PLXNC1: variants seen among roughly 807,000 people sequenced by gnomAD.
PLXNC1 encodes plexin C1.
A neutral mutation model predicts 178.2 loss-of-function variants in PLXNC1; 75 were observed. The observed-to-expected ratio is 0.42, with a 90% CI of 0.35 to 0.51. The LOEUF (loss-of-function observed/expected upper bound fraction) is 0.51, where lower values mean the gene tolerates loss of function less well. PLXNC1 is among the 20% of genes least tolerant of loss of function. The probability of loss-of-function intolerance (pLI) is 0.02; values close to 1 mark genes in which losing one functional copy is unlikely to be tolerated. For synonymous variants in PLXNC1, 790 were observed against 779.9 expected (o/e 1.01, Z -0.22); for missense variants, 1,503 against 1,984.4 (o/e 0.76, Z 4.61).
intron 5 of PLXNC1, among the ~76,000 whole-genome samples, chr12:94,215,328 A>G (rs1171793079): frequency 1.3e-5 from 2 of 152,222 alleles, no homozygotes; most frequent in East Asian, 3.8e-4. Flanking sequence ...ATATTCAGGC[A>G]TGTTCTACAT....
chr12:94,224,869 G>A (rs908950129), intron 7 of PLXNC1, among the ~76,000 whole-genome samples: 3 of 152,148 alleles, frequency 2.0e-5, no homozygotes, highest in Non-Finnish European at 1.5e-5. Context: ...ATGGCGCCCC[G>A]CATTCCAGTC....
At chr12:94,212,650 T>C (rs55917561) in intron 5 of PLXNC1, among the ~76,000 whole-genome samples, 30,034 of 151,912 alleles carry the variant, frequency 0.2, 3,119 homozygotes, top group Middle Eastern at 0.26. Flanking sequence ...GCAAAGGACA[T>C]GAACTCATCT....
At chr12:94,153,178 T>A (rs1382304463) in intron 1 of PLXNC1, among the ~76,000 whole-genome samples, 1 of 152,232 alleles carries the variant, frequency 6.6e-6, no homozygotes, top group Non-Finnish European at 1.5e-5. Context: ...TTGCTCAAGA[T>A]AGTTAAGTGC....
chr12:94,224,055 C>T (rs754218711), intron 6 of PLXNC1, among the ~76,000 whole-genome samples, 173 bp from the exon 7 acceptor site: 10 of 152,160 alleles, frequency 6.6e-5, no homozygotes, highest in Middle Eastern at 3.2e-3. Flanking sequence ...CTGCCTGATG[C>T]GAATGGCCTA....
chr12:94,169,156 G>C lies in PLXNC1; in HGVS notation c.1066G>C (p.Glu356Gln). The C allele has an allele frequency of 6.2e-7, 1 of 1,613,194 alleles. No homozygotes were observed. Among genetic ancestry groups the C allele is most frequent in the East Asian group, 2.2e-5 (1 of 44,872 alleles). ...GTGCGTTTGTGTGCATGTTCAGAAA[G>C]AAGGGGATCAACCTGAAAGAGTCCA... ...DFKTAESHCK[E>Q]GDQPERVQPI... is the part of the protein sequence containing the mutation. Residue 356 changes from glutamate to glutamine, a missense_variant, in exon 2 of 31, where the codon GAA becomes CAA. Physicochemically the swap from Glu to Gln is conservative, Grantham distance 29 (BLOSUM62 2). Transcript: ENST00000258526.
At chr12:94,231,754 CGTCT>C (rs1235881121) in intron 9 of PLXNC1, among the ~76,000 whole-genome samples, 3 of 152,202 alleles carry the variant, frequency 2.0e-5, no homozygotes, top group Non-Finnish European at 4.4e-5. Flanking sequence ...AGTGTCTGAC[CGTCT>C]GTCTGTTTCT....
chr12:94,193,803 C>T (rs1432636442), intron 4 of PLXNC1, among the ~76,000 whole-genome samples: 3 of 152,026 alleles, frequency 2.0e-5, no homozygotes, highest in Admixed American at 1.3e-4. Context: ...ACAGAGGTGT[C>T]GGTTACTGAG....
intron 9 of PLXNC1, among the ~76,000 whole-genome samples, chr12:94,237,360 C>A (rs1964270135): frequency 6.6e-6 from 1 of 152,208 alleles, no homozygotes; most frequent in South Asian, 2.1e-4. Context: ...AGGCAGTAAA[C>A]ATTTTCAAAA....
At chr12:94,263,604 G>A (rs1965064229) in intron 20 of PLXNC1, among the ~76,000 whole-genome samples, 1 of 152,184 alleles carries the variant, frequency 6.6e-6, no homozygotes, top group African/African-American at 2.4e-5. Context: ...TTTGTGGTCA[G>A]GGCATTACTT....
chr12:94,155,330 T>G (rs1466655134), intron 1 of PLXNC1, among the ~76,000 whole-genome samples: 1 of 152,204 alleles, frequency 6.6e-6, no homozygotes, highest in East Asian at 1.9e-4. Flanking sequence ...TGCACATTCT[T>G]GGACCCTACA....
At chr12:94,192,784 T>A (rs76862288) in intron 4 of PLXNC1, among the ~76,000 whole-genome samples, 1 of 152,116 alleles carries the variant, frequency 6.6e-6, no homozygotes, top group Non-Finnish European at 1.5e-5. Context: ...TAGGGAAATA[T>A]ATTCCACCTA....
intron 1 of PLXNC1, among the ~76,000 whole-genome samples, chr12:94,165,951 C>G (rs912012809): frequency 6.6e-6 from 1 of 151,960 alleles, no homozygotes; most frequent in South Asian, 2.1e-4. Context: ...GAAACTTATT[C>G]CCAGAAATCC....
intron 21 of PLXNC1, among the ~76,000 whole-genome samples, chr12:94,272,796 G>A (rs1592857954): frequency 2.0e-5 from 3 of 152,344 alleles, no homozygotes; most frequent in East Asian, 3.9e-4. Context: ...GTCCTTGGGT[G>A]GCACCGGAGG....
At chr12:94,301,298 C>G (rs1223976570) in intron 28 of PLXNC1, among the ~76,000 whole-genome samples, 2 of 152,174 alleles carry the variant, frequency 1.3e-5, no homozygotes, top group East Asian at 3.9e-4. Flanking sequence ...CTGTGAAAAA[C>G]TTTATCACAA....
rs1487705092 is a variant in PLXNC1 at position 94,186,460 on chromosome 12, C to T, written c.1426C>T (p.His476Tyr). 1 of 1,610,300 alleles carries T rather than the reference C, an allele frequency of 6.2e-7. No individual in the cohort carries two copies. Among genetic ancestry groups the T allele is most frequent in the South Asian group, 1.1e-5 (1 of 91,012 alleles). ...TATDPHCGWC[H>Y]SLQRCTFQGD... ...CACAGACCCTCACTGCGGTTGGTGC[C>T]ATTCGCTACAAAGGTATCTCCTGAA... The change falls in exon 4 of 31, where the codon CAT becomes TAT. Residue 476 changes from histidine (H) to tyrosine (Y), a missense_variant. By Grantham distance (83) the His-to-Tyr change is moderately conservative. This residue lies in a region of PLXNC1 where 615 missense variants were observed against 698.6 expected (regional missense o/e 0.88). Transcript: ENST00000258526.
At chr12:94,199,885 G>C (rs757847086) in intron 4 of PLXNC1, among the ~76,000 whole-genome samples, 4 of 152,212 alleles carry the variant, frequency 2.6e-5, no homozygotes, top group Non-Finnish European at 4.4e-5. Context: ...CCACCTCCCA[G>C]GTCCAAATGA....
In PLXNC1 at chr12:94,303,926, A is replaced by C. The variant is rs750551118; in HGVS notation, c.4527+30A>C. 3 of 1,607,714 alleles carry C rather than the reference A, an allele frequency of 1.9e-6. No homozygotes were observed. The South Asian group carries it at 3.3e-5, about 18-fold the overall frequency. ...CATTAGAAAGCAGAAATAAGCTTAT[A>C]TTTGGTTACTTTACGTCATTTCAGA... On this transcript the variant is annotated intron_variant, in intron 29 of 30. Transcript: ENST00000258526.
chr12:94,274,155 TA>T (rs3060881), intron 21 of PLXNC1, among the ~76,000 whole-genome samples: 4,385 of 44,948 alleles, frequency 0.098, 118 homozygotes, highest in Non-Finnish European at 0.12. Context: ...ACCCTGTCTC[TA>T]AAAAAAAAAA....
In PLXNC1 at chr12:94,301,005, T is replaced by C; in HGVS notation, c.4334T>C (p.Ile1445Thr). ...TPHIDGCLSV[I>T]AQAFMDAFSL... ...CATATAGACGGCTGTTTGTCAGTGA[T>C]TGCCCAGGCATTCATGGATGCATTT... The change falls in exon 28 of 31, where the codon ATT becomes ACT. Residue 1445 changes from isoleucine (I) to threonine (T), a missense_variant. By Grantham distance (89) the Ile-to-Thr change is moderately conservative. Transcript: ENST00000258526. 1.9e-6 allele frequency: 3 copies of C among 1,613,902 alleles called. No individual in the cohort carries two copies. The highest frequency in any genetic ancestry group is 2.5e-6 in the Non-Finnish European group (3 of 1,179,798).
Sources: gnomAD v4.1 joint callset for allele counts (sites outside exome capture counted in the v4.1 genomes callset) on GRCh38, gnomAD v4.1.1 for gene constraint, gnomAD v4.1.1 regional missense constraint, MANE v1.5 for transcripts, NCBI Gene and HGNC (gene_info 2026-07-23, HGNC 2026-07-21) for gene names.